Variants in AADACL4 observed in about 807,000 individuals in gnomAD.
AADACL4 encodes arylacetamide deacetylase like 4.
A neutral mutation model predicts 14.1 loss-of-function variants in AADACL4; 9 were observed. The ratio of observed to expected loss-of-function variants is 0.64; its 90% CI spans 0.39 to 1.12. The LOEUF (loss-of-function observed/expected upper bound fraction) is 1.12. AADACL4 is among the 50% of genes most tolerant of loss of function. The pLI is 0.01. For synonymous variants in AADACL4, 188 were observed against 201.6 expected (o/e 0.93, Z 0.57); for missense variants, 531 against 516.1 (o/e 1.03, Z -0.28).
intron 2 of AADACL4, among the ~76,000 whole-genome samples, chr1:12,661,108 T>A (rs563541146): frequency 6.6e-6 from 1 of 152,330 alleles, no homozygotes; most frequent in African/African-American, 2.4e-5. Context: ...TAATGAGGCA[T>A]GCACCCACTT....
chr1:12,658,204 T>C (rs34286740), intron 2 of AADACL4, among the ~76,000 whole-genome samples: 13,570 of 133,364 alleles, frequency 0.1, 1,919 homozygotes, highest in African/African-American at 0.31. Context: ...TTCTTTCTTT[T>C]CCCCTCCCTC....
intron 1 of AADACL4, among the ~76,000 whole-genome samples, chr1:12,650,285 A>T (rs1647136929): frequency 6.6e-6 from 1 of 152,204 alleles, no homozygotes; most frequent in African/African-American, 2.4e-5. Flanking sequence ...AATTGTTTAT[A>T]AGTAGAGTGA....
rs139872937 is a variant in AADACL4, at chr1:12,645,567, G to A, written c.168+853G>A. 2.5e-3 allele frequency among the ~76,000 whole-genome samples: 381 copies of A among 152,084 alleles called. 1 individual carries two copies. Among genetic ancestry groups the A allele is most frequent in the Admixed American group, 5.1e-3 (78 of 15,262 alleles). ...TATTTTATTTTACTTTTTTGAGACG[G>A]GGTCTTGCTCTGTTGCCCAGGCTGG... On this transcript the variant is annotated intron_variant, in intron 1 of 3. Coordinates refer to ENST00000376221, the MANE Select transcript of AADACL4 (RefSeq NM_001013630.2).
At chr1:12,662,425 G>A (rs1210964397) in intron 3 of AADACL4, among the ~76,000 whole-genome samples, 1 of 152,174 alleles carries the variant, frequency 6.6e-6, no homozygotes, top group Non-Finnish European at 1.5e-5. Context: ...GTTGTTTGGG[G>A]TGATGGTTCT....
At chr1:12,660,463 G>A (rs1417423977) in intron 2 of AADACL4, among the ~76,000 whole-genome samples, 1 of 152,214 alleles carries the variant, frequency 6.6e-6, no homozygotes, top group East Asian at 1.9e-4. Context: ...TCTGAAACAG[G>A]GACTACCTGA....
rs1425481106 is a variant in AADACL4 at position 12,666,083 on chromosome 1, G to A, written c.572G>A (p.Gly191Glu). Residue 191 changes from glycine (G) to glutamate (E), a missense_variant, in exon 4 of 4, where the codon GGA becomes GAA. Transcript: ENST00000376221. Reference protein sequence around the residue: ...GVDPSRVVVCGESVGGAAVAA... With the variant: ...GVDPSRVVVCEESVGGAAVAA... ...GACCCCTCCAGGGTTGTGGTCTGTGGAGAAAGCGTCGGAGGTGCAGCGGTG... is the reference window on the plus strand; with the variant it reads ...GACCCCTCCAGGGTTGTGGTCTGTGAAGAAAGCGTCGGAGGTGCAGCGGTG... The A allele has an allele frequency of 2.5e-6, 4 of 1,614,242 alleles. No individual in the cohort carries two copies. The highest frequency in any genetic ancestry group is 3.4e-6 in the Non-Finnish European group (4 of 1,180,044).
At position 12,644,613 on chromosome 1, in the gene AADACL4, G is replaced by T. The variant is rs1423521907; in HGVS notation, c.67G>T (p.Ala23Ser). The change falls in exon 1 of 4, where the codon GCT becomes TCT. Residue 23 changes from alanine to serine, a missense_variant. Ala to Ser is a moderately conservative substitution (Grantham distance 99, BLOSUM62 1). Coordinates refer to ENST00000376221, the MANE Select transcript of AADACL4 (RefSeq NM_001013630.2). ...PIFFLGVFVW[A>S]VFEHFLTTDI... ...CTTTTTCCTGGGGGTCTTTGTCTGG[G>T]CTGTCTTTGAGCACTTCCTCACCAC... The T allele has an allele frequency of 1.2e-5, 20 of 1,614,030 alleles. No homozygotes were observed. Among genetic ancestry groups the T allele is most frequent in the Non-Finnish European group, 1.7e-5 (20 of 1,180,030 alleles).
At chr1:12,664,744 T>C (rs1406079193) in intron 3 of AADACL4, among the ~76,000 whole-genome samples, 3 of 152,240 alleles carry the variant, frequency 2.0e-5, no homozygotes, top group Non-Finnish European at 4.4e-5. Flanking sequence ...ATTATTTAGA[T>C]AAACTCTCTA....
chr1:12,651,093 C>G, intron 1 of AADACL4, 30 bp from the exon 2 acceptor site: 2 of 1,594,346 alleles, frequency 1.3e-6, no homozygotes, highest in Non-Finnish European at 1.7e-6. Context: ...CCTCTCCTAA[C>G]GTCTGGCTTT....
At chr1:12,658,033 T>TTTCCTTCCTTCCTTCC (rs143888091) in intron 2 of AADACL4, among the ~76,000 whole-genome samples, 3 of 147,632 alleles carry the variant, frequency 2.0e-5, no homozygotes, top group African/African-American at 7.8e-5. Context: ...TTTCTCTTTC[T>TTTCCTTCCTTCCTTCC]TTCCTTCCTT....
rs147571036 is a variant in AADACL4, at chr1:12,655,001, C to T, written c.385+3662C>T. Among the ~76,000 whole-genome samples, 600 of 152,218 alleles carry T rather than the reference C, an allele frequency of 3.9e-3. 6 individuals are homozygous for T. The highest frequency in any genetic ancestry group is 6.8e-3 in the Middle Eastern group (2 of 294). On this transcript the variant is annotated intron_variant, in intron 2 of 3. Coordinates refer to ENST00000376221, the MANE Select transcript of AADACL4 (RefSeq NM_001013630.2). ...CAGCACCTTGCTTGGTGTCTGTAAA[C>T]GGCTCGGACACTCAGCCGGACTGGC...
chr1:12,665,110 C>A (rs1647290913), intron 3 of AADACL4, among the ~76,000 whole-genome samples: 1 of 152,230 alleles, frequency 6.6e-6, no homozygotes, highest in South Asian at 2.1e-4. Context: ...TCACTGCAGC[C>A]TCAACCTTCT....
At position 12,666,446 on chromosome 1, in the gene AADACL4, A is replaced by G. The variant is rs1384068234; in HGVS notation, c.935A>G (p.Tyr312Cys). 1.9e-6 allele frequency: 3 copies of G among 1,614,200 alleles called. No individual in the cohort carries two copies. Among genetic ancestry groups the G allele is most frequent in the South Asian group, 1.1e-5 (1 of 91,084 alleles). ...CCCGGCCCTTTTAATGAAGCTGCCT[A>G]TCTAGAAGCCAAACATATGCTGGAT... is the stretch of plus-strand genomic sequence containing the variant. ...WSPGPFNEAA[Y>C]LEAKHMLDVE... The change falls in exon 4 of 4, where the codon TAT (tyrosine) becomes TGT (cysteine). Residue 312 changes from tyrosine (Y) to cysteine (C), a missense_variant. By Grantham distance (194) the Tyr-to-Cys change is radical. Coordinates refer to ENST00000376221, the MANE Select transcript of AADACL4 (RefSeq NM_001013630.2).
intron 3 of AADACL4, among the ~76,000 whole-genome samples, chr1:12,664,755 C>T (rs1285425568): frequency 1.3e-5 from 2 of 152,230 alleles, no homozygotes; most frequent in African/African-American, 4.8e-5. Context: ...AAACTCTCTA[C>T]TCCAATCAGT....
At chr1:12,658,127 C>CTTT (rs1557550825) in intron 2 of AADACL4, among the ~76,000 whole-genome samples, 4 of 119,448 alleles carry the variant, frequency 3.3e-5, no homozygotes, top group Non-Finnish European at 6.3e-5. Flanking sequence ...TTCCTTCCTT[C>CTTT]CTTCCTTCCT....
chr1:12,651,724 C>T (rs1465044421), intron 2 of AADACL4, among the ~76,000 whole-genome samples: 5 of 152,062 alleles, frequency 3.3e-5, no homozygotes, highest in African/African-American at 1.2e-4. Flanking sequence ...ACCCAAGACC[C>T]CATCCTTGCT....
intron 1 of AADACL4, among the ~76,000 whole-genome samples, chr1:12,646,017 G>T (rs994907131): frequency 1.2e-4 from 18 of 152,212 alleles, no homozygotes; most frequent in Non-Finnish European, 2.4e-4. Context: ...GGGTGGACCA[G>T]CATGCACCCA....
chr1:12,655,800 C>T (rs1190518617), intron 2 of AADACL4, among the ~76,000 whole-genome samples: 2 of 152,016 alleles, frequency 1.3e-5, no homozygotes, highest in Non-Finnish European at 2.9e-5. Flanking sequence ...GATTAACAGG[C>T]ATTTGGAGTC....
At chr1:12,650,581 G>A (rs1647138434) in intron 1 of AADACL4, among the ~76,000 whole-genome samples, 1 of 150,652 alleles carries the variant, frequency 6.6e-6, no homozygotes, top group African/African-American at 2.5e-5. Context: ...TTGCCAGGCT[G>A]GAGTGCAGTG....
Sources: gnomAD v4.1 joint callset for allele counts (sites outside exome capture counted in the v4.1 genomes callset) on GRCh38, gnomAD v4.1.1 for gene constraint, MANE v1.5 for transcripts, NCBI Gene and HGNC (gene_info 2026-07-23, HGNC 2026-07-21) for gene names.